The following DCC variants were observed in gnomAD, a reference collection of about 807,000 sequenced individuals.
DCC encodes the protein DCC netrin 1 receptor, also known as netrin receptor DCC.
Under a neutral mutation model 172.5 loss-of-function variants are expected in DCC, and 58 were observed. The ratio of observed to expected loss-of-function variants is 0.34; its 90% CI spans 0.27 to 0.42. DCC has a LOEUF of 0.42. Among genes scored for constraint, DCC ranks in the 10% least tolerant of loss-of-function variants. The pLI is 1.00. For missense variants in DCC, 1,740 were observed against 1,791.0 expected, an observed-to-expected ratio of 0.97 and a Z score of 0.51; for synonymous variants, 709 against 644.5, an observed-to-expected ratio of 1.10 and a Z score of -1.52.
intron 7 of DCC, among the ~76,000 whole-genome samples, chr18:53,119,650 A>C (rs539226787): frequency 6.6e-6 from 1 of 152,020 alleles, no homozygotes; most frequent in Non-Finnish European, 1.5e-5. Context: ...GGGGGTTCTA[A>C]GTCTAAACAT....
At chr18:53,305,939 A>G (rs1404164367) in intron 13 of DCC, among the ~76,000 whole-genome samples, 1 of 152,242 alleles carries the variant, frequency 6.6e-6, no homozygotes, top group Non-Finnish European at 1.5e-5. Context: ...TAATACATGT[A>G]TCATAAAATT....
At chr18:52,511,100 T>C (rs2031421864) in intron 1 of DCC, among the ~76,000 whole-genome samples, 1 of 151,894 alleles carries the variant, frequency 6.6e-6, no homozygotes. Flanking sequence ...ACTAACATGG[T>C]GAAACCCCGT....
intron 1 of DCC, among the ~76,000 whole-genome samples, chr18:52,748,594 C>T (rs961256820): frequency 2.0e-5 from 3 of 152,172 alleles, no homozygotes; most frequent in Admixed American, 6.5e-5. Context: ...AGCTTCTTGT[C>T]GTCTTGGGTG....
chr18:52,846,802 C>T (rs906605412), intron 2 of DCC, among the ~76,000 whole-genome samples: 1 of 152,092 alleles, frequency 6.6e-6, no homozygotes, highest in Non-Finnish European at 1.5e-5. Flanking sequence ...AGAAAGACTT[C>T]CAACAGGAGT....
At chr18:53,448,563 C>T (rs1432556115) in intron 22 of DCC, among the ~76,000 whole-genome samples, 1 of 152,094 alleles carries the variant, frequency 6.6e-6, no homozygotes, top group Non-Finnish European at 1.5e-5. Flanking sequence ...AGCCAAATCA[C>T]GTCAGTATTA....
At chr18:52,638,280 CA>C (rs201653459) in intron 1 of DCC, among the ~76,000 whole-genome samples, 2 of 149,874 alleles carry the variant, frequency 1.3e-5, no homozygotes, top group Admixed American at 6.6e-5. Context: ...AAACAAAAAA[CA>C]AAAAAAAACA....
intron 1 of DCC, among the ~76,000 whole-genome samples, chr18:52,565,668 G>A (rs1159351279): frequency 6.6e-6 from 1 of 152,044 alleles, no homozygotes; most frequent in Non-Finnish European, 1.5e-5. Context: ...CATATCCTTT[G>A]ACCACTTTTT....
At chr18:53,267,862 G>T (rs2056700699) in intron 12 of DCC, among the ~76,000 whole-genome samples, 1 of 152,124 alleles carries the variant, frequency 6.6e-6, no homozygotes, top group Non-Finnish European at 1.5e-5. Flanking sequence ...GTGAATAGCA[G>T]GTTTCCAAGG....
At chr18:53,286,852 T>G (rs917508834) in intron 12 of DCC, among the ~76,000 whole-genome samples, 3 of 152,194 alleles carry the variant, frequency 2.0e-5, no homozygotes, top group Non-Finnish European at 4.4e-5. Flanking sequence ...ACAAAAATAT[T>G]TAGAATTTCC....
At chr18:53,145,119 T>TTTC (rs2043888186) in intron 7 of DCC, among the ~76,000 whole-genome samples, 1 of 132,124 alleles carries the variant, frequency 7.6e-6, no homozygotes, top group Non-Finnish European at 1.6e-5. Context: ...TTTTTTTTTT[T>TTTC]TTTTTTTTTT....
intron 24 of DCC, among the ~76,000 whole-genome samples, chr18:53,464,454 A>G (rs1261993322): frequency 1.3e-5 from 2 of 152,180 alleles, no homozygotes; most frequent in African/African-American, 4.8e-5. Context: ...CTGTATTTAA[A>G]TTTCCCAACC....
In DCC at chr18:52,811,024, C is replaced by T. The variant is rs142305882; in HGVS notation, c.412+58650C>T. ...GCAGTGGCATGAACAGAGCTTAGCA[C>T]AGAGGGGACAACACACAAATCGTTG... On this transcript the variant is annotated intron_variant, in intron 2 of 28. Transcript: ENST00000442544. Among the ~76,000 whole-genome samples the T allele has an allele frequency of 5.4e-3, 821 of 152,212 alleles. 4 individuals carry two copies. The highest frequency in any genetic ancestry group is 8.6e-3 in the Non-Finnish European group (588 of 68,010).
intron 16 of DCC, among the ~76,000 whole-genome samples, chr18:53,391,086 T>C (rs1184056784): frequency 1.3e-5 from 2 of 152,226 alleles, no homozygotes; most frequent in East Asian, 3.8e-4. Context: ...TTGCTGTGGA[T>C]GTCAGGGTAC....
intron 1 of DCC, among the ~76,000 whole-genome samples, chr18:52,473,928 C>T (rs373088383): frequency 6.6e-6 from 1 of 152,116 alleles, no homozygotes; most frequent in East Asian, 1.9e-4. Context: ...CTTCCACCTT[C>T]CTCTTCTGAC....
intron 26 of DCC, among the ~76,000 whole-genome samples, chr18:53,490,941 T>C (rs1156714967): frequency 6.6e-6 from 1 of 152,190 alleles, no homozygotes; most frequent in African/African-American, 2.4e-5. Context: ...AAATTGTCCC[T>C]TAGGGATTGG....
chr18:52,625,009 C>T (rs2034547054), intron 1 of DCC, among the ~76,000 whole-genome samples: 1 of 152,146 alleles, frequency 6.6e-6, no homozygotes, highest in African/African-American at 2.4e-5. Flanking sequence ...GCCTACTACA[C>T]ACCTAGGCTG....
intron 2 of DCC, among the ~76,000 whole-genome samples, chr18:52,878,202 T>A (rs2039430521): frequency 6.6e-6 from 1 of 152,204 alleles, no homozygotes; most frequent in East Asian, 1.9e-4. Context: ...TTTCTGATCA[T>A]GTGCTTTGCT....
intron 5 of DCC, among the ~76,000 whole-genome samples, chr18:52,994,446 T>A (rs2041447206): frequency 6.6e-6 from 1 of 152,078 alleles, no homozygotes; most frequent in Non-Finnish European, 1.5e-5. Flanking sequence ...TCAAATAAAT[T>A]GAGGAATTCA....
intron 27 of DCC, among the ~76,000 whole-genome samples, chr18:53,506,032 C>T (rs1418318664): frequency 6.6e-6 from 1 of 152,126 alleles, no homozygotes; most frequent in Non-Finnish European, 1.5e-5. Flanking sequence ...GAGGACATTT[C>T]CAAATAAATG....
Sources: allele counts gnomAD v4.1 joint callset (sites outside exome capture counted in the v4.1 genomes callset), GRCh38; gene constraint gnomAD v4.1.1; transcripts MANE v1.5; gene names NCBI Gene and HGNC (gene_info 2026-07-23, HGNC 2026-07-21).